The following DDI2 variants were observed in gnomAD, a reference collection of about 807,000 sequenced individuals.
DDI2 encodes the protein DDI proteasomal shuttling factor 2, also known as protein DDI1 homolog 2.
A neutral mutation model predicts 48.1 loss-of-function variants in DDI2; 5 were observed. That is an observed-to-expected ratio of 0.10 (90% CI 0.05 to 0.22). DDI2 has a LOEUF of 0.22. Among genes scored for constraint, DDI2 ranks in the 10% least tolerant of loss-of-function variants. The pLI is 1.00. For synonymous variants in DDI2, 205 were observed against 183.6 expected, an observed-to-expected ratio of 1.12 and a Z score of -0.94; for missense variants, 285 against 506.2, an observed-to-expected ratio of 0.56 and a Z score of 4.19.
rs1056691268 is a variant in DDI2, at chr1:15,663,002, A to G, written c.*3212A>G. ...ATATAAGGACTAGCCCTTGGAAATC[A>G]TTGTCCTGTGGGCCCCACTGTGCAA... On this transcript the variant is annotated 3_prime_UTR_variant, in exon 10 of 10. Transcript: ENST00000480945. 3 of 152,132 alleles carry G rather than the reference A, an allele frequency of 2.0e-5. No individual in the cohort carries two copies. The highest frequency in any genetic ancestry group is 7.2e-5 in the African/African-American group (3 of 41,428). 9.4% of individuals were successfully genotyped at this position (152,132 alleles called of 1,614,324 possible). A position where few individuals can be genotyped will look rare whatever the true frequency, so the allele number is the denominator to read the frequency against.
chr1:15,641,952 T>A (rs1374993050), intron 5 of DDI2, among the ~76,000 whole-genome samples: 2 of 86,496 alleles, frequency 2.3e-5, no homozygotes, highest in African/African-American at 7.3e-5. Flanking sequence ...TGAAATTCAG[T>A]CTCAAAAAAA....
intron 4 of DDI2, among the ~76,000 whole-genome samples, chr1:15,637,804 T>G (rs899143973): frequency 6.6e-6 from 1 of 152,210 alleles, no homozygotes; most frequent in Non-Finnish European, 1.5e-5. Context: ...TTTGTACCTC[T>G]TGGCAACCTA....
chr1:15,622,224 G>GTTTTTTT, intron 1 of DDI2, among the ~76,000 whole-genome samples: 1 of 139,886 alleles, frequency 7.1e-6, no homozygotes. Flanking sequence ...TTGAGACGAG[G>GTTTTTTT]TCTTGCCAGT....
chr1:15,624,126 T>C (rs1200590361), intron 1 of DDI2, among the ~76,000 whole-genome samples: 2 of 152,220 alleles, frequency 1.3e-5, no homozygotes, highest in East Asian at 3.8e-4. Context: ...TCTCTAAATA[T>C]ACTGATAGTT....
chr1:15,652,461 G>T (rs1057490209), intron 8 of DDI2, among the ~76,000 whole-genome samples: 3 of 104,866 alleles, frequency 2.9e-5, no homozygotes, highest in East Asian at 4.3e-4. Flanking sequence ...GGGGGGGGGG[G>T]GGGGCGGATC....
chr1:15,639,616 A>G (rs1256531731), intron 5 of DDI2, among the ~76,000 whole-genome samples: 3 of 152,106 alleles, frequency 2.0e-5, no homozygotes, highest in Non-Finnish European at 4.4e-5. Context: ...GGCATGTGCA[A>G]CCATACCTGG....
At chr1:15,623,929 G>C (rs941660407) in intron 1 of DDI2, among the ~76,000 whole-genome samples, 1 of 152,014 alleles carries the variant, frequency 6.6e-6, no homozygotes, top group Non-Finnish European at 1.5e-5. Flanking sequence ...CCGCTTGTGG[G>C]GGCAGGTGCC....
intron 6 of DDI2, among the ~76,000 whole-genome samples, chr1:15,645,371 G>A (rs1307347820): frequency 1.3e-5 from 2 of 152,178 alleles, no homozygotes; most frequent in African/African-American, 4.8e-5. Context: ...TTTTGACGAT[G>A]ATTTTCTCCC....
intron 1 of DDI2, 72 bp from the exon 2 acceptor site, chr1:15,626,597 A>T: frequency 6.3e-7 from 1 of 1,586,772 alleles, no homozygotes; most frequent in Non-Finnish European, 8.6e-7. Context: ...TTCAGGGGAA[A>T]ACTGGTCCTT....
Position 15,632,936 on chromosome 1 carries a change from A to ATTTTTT in DDI2, c.506-503_506-502insTTTTTT, listed in dbSNP as rs1557614994. Among the ~76,000 whole-genome samples, 280 of 122,292 alleles carry ATTTTTT rather than the reference A, an allele frequency of 2.3e-3. 2 individuals are homozygous for ATTTTTT. The highest frequency in any genetic ancestry group is 8.7e-3 in the African/African-American group (270 of 31,076). The allele number at this position is 122,292 out of a possible 152,430, so 80.2% of individuals were successfully genotyped here. A position where few individuals can be genotyped will look rare whatever the true frequency, so the allele number is the denominator to read the frequency against. The stretch of plus-strand genomic sequence containing the variant: ...ACTTTTTTTTTTTTTTTTTTTAAAA[A>ATTTTTT]AAAAAAAACAGGGTCTCACCATGTC... On this transcript the variant is annotated intron_variant, in intron 3 of 9. Transcript: ENST00000480945.
chr1:15,653,121 C>T (rs1256021164), intron 8 of DDI2, among the ~76,000 whole-genome samples: 2 of 151,974 alleles, frequency 1.3e-5, no homozygotes, highest in Non-Finnish European at 2.9e-5. Flanking sequence ...TAGAAGCTTC[C>T]TAAATTTTTT....
At chr1:15,619,103 C>T (rs1428653925) in intron 1 of DDI2, among the ~76,000 whole-genome samples, 1 of 152,112 alleles carries the variant, frequency 6.6e-6, no homozygotes, top group Non-Finnish European at 1.5e-5. Context: ...AGAAAATAAA[C>T]TCTTCAATTT....
At chr1:15,636,914 T>G (rs1639939402) in intron 4 of DDI2, among the ~76,000 whole-genome samples, 1 of 152,254 alleles carries the variant, frequency 6.6e-6, no homozygotes, top group Non-Finnish European at 1.5e-5. Flanking sequence ...TGTGTTTCCA[T>G]AAAACTTTTT....
At chr1:15,625,700 C>T (rs1639742241) in intron 1 of DDI2, among the ~76,000 whole-genome samples, 1 of 152,140 alleles carries the variant, frequency 6.6e-6, no homozygotes, top group African/African-American at 2.4e-5. Context: ...AGCCCTGCAA[C>T]CTTTGCCTCC....
At chr1:15,645,009 C>G (rs1178922487) in intron 6 of DDI2, among the ~76,000 whole-genome samples, 1 of 139,284 alleles carries the variant, frequency 7.2e-6, no homozygotes, top group Non-Finnish European at 1.6e-5. Flanking sequence ...CCTGACTCAG[C>G]CTCCCTGAGT....
intron 5 of DDI2, 54 bp downstream of exon 5, chr1:15,638,488 A>G: frequency 1.3e-6 from 2 of 1,533,198 alleles, no homozygotes; most frequent in Non-Finnish European, 1.8e-6. Context: ...TTTACCTGAC[A>G]CGGGAGAAGG....
intron 3 of DDI2, among the ~76,000 whole-genome samples, chr1:15,631,838 C>G (rs1020915758): frequency 4.6e-5 from 7 of 151,684 alleles, no homozygotes; most frequent in African/African-American, 1.7e-4. Context: ...CGGAGTTTCA[C>G]TCTGTCTCCC....
intron 1 of DDI2, among the ~76,000 whole-genome samples, chr1:15,622,151 G>C (rs1299326941): frequency 6.7e-6 from 1 of 149,972 alleles, no homozygotes; most frequent in Non-Finnish European, 1.5e-5. Context: ...ACAGCTCACT[G>C]TATCCTCAAC....
rs145995720 is a variant in DDI2, at chr1:15,638,595, C to T, written c.760+161C>T. 9.4e-3 allele frequency among the ~76,000 whole-genome samples: 1,285 copies of T among 137,348 alleles called. 19 individuals are homozygous for T. The highest frequency in any genetic ancestry group is 0.032 in the African/African-American group (1,176 of 36,712). The allele number at this position is 137,348 out of a possible 152,430, so 90.1% of individuals were successfully genotyped here. A position where few individuals can be genotyped will look rare whatever the true frequency, so the allele number is the denominator to read the frequency against. ...TGTCACCCAGGCCAAAGTGCAGTGG[C>T]GTGATCTTGGCTCACTGCAACCTCT... is the stretch of plus-strand genomic sequence containing the variant. On this transcript the variant is annotated intron_variant, in intron 5 of 9. Coordinates refer to ENST00000480945, the MANE Select transcript of DDI2 (RefSeq NM_032341.5).
Sources: allele counts gnomAD v4.1 joint callset (sites outside exome capture counted in the v4.1 genomes callset), GRCh38; gene constraint gnomAD v4.1.1; transcripts MANE v1.5; gene names NCBI Gene and HGNC (gene_info 2026-07-23, HGNC 2026-07-21).